Variants in KCNIP4 observed in about 807,000 individuals in gnomAD.
KCNIP4 encodes Kv channel-interacting protein 4.
KCNIP4 carries 12 observed loss-of-function variants against 34.0 expected under a neutral mutation model. That is an observed-to-expected ratio of 0.35 (90% CI 0.23 to 0.57). The LOEUF (loss-of-function observed/expected upper bound fraction) is 0.57, where lower values mean the gene tolerates loss of function less well. Among genes scored for constraint, KCNIP4 ranks in the 20% least tolerant of loss-of-function variants. The probability of loss-of-function intolerance (pLI) is 0.83; values close to 1 mark genes in which losing one functional copy is unlikely to be tolerated. For missense variants in KCNIP4, 238 were observed against 311.7 expected, an observed-to-expected ratio of 0.76 and a Z score of 1.78; for synonymous variants, 124 against 102.2, an observed-to-expected ratio of 1.21 and a Z score of -1.29.
Position 20,909,824 on chromosome 4 carries a change from G to T in KCNIP4, c.62-27115C>A, listed in dbSNP as rs73096002. 8.0e-4 allele frequency among the ~76,000 whole-genome samples: 122 copies of T among 152,204 alleles called. 1 individual carries two copies. The highest frequency in any genetic ancestry group is 2.2e-4 in the Non-Finnish European group (15 of 68,020). On this transcript the variant is annotated intron_variant, in intron 1 of 8. Transcript: ENST00000382152. ...GCTTTTGTGATGACAGTCATGACTA[G>T]TACATCCTTCTCTCTTACTTGTCTA...
At chr4:21,153,982 T>TAA (rs376910229) in intron 1 of KCNIP4, among the ~76,000 whole-genome samples, 32 of 146,730 alleles carry the variant, frequency 2.2e-4, no homozygotes, top group African/African-American at 7.5e-4. Context: ...AGTTAGTAGT[T>TAA]AAAAAAAAAA....
chr4:21,116,458 A>G (rs1195144971), intron 1 of KCNIP4, among the ~76,000 whole-genome samples: 1 of 152,104 alleles, frequency 6.6e-6, no homozygotes, highest in Non-Finnish European at 1.5e-5. Flanking sequence ...AGTGACTACA[A>G]CTTCCTGTCT....
At chr4:20,773,590 C>T (rs963056682) in intron 3 of KCNIP4, among the ~76,000 whole-genome samples, 1 of 152,144 alleles carries the variant, frequency 6.6e-6, no homozygotes, top group African/African-American at 2.4e-5. Context: ...CATAATGAGG[C>T]ACAAGGGGGC....
chr4:20,743,898 T>G (rs1578480157), intron 5 of KCNIP4, among the ~76,000 whole-genome samples: 1 of 150,640 alleles, frequency 6.6e-6, no homozygotes, highest in East Asian at 2.0e-4. Flanking sequence ...ATCCAGAATC[T>G]ACAAAGAAAT....
intron 1 of KCNIP4, among the ~76,000 whole-genome samples, chr4:21,826,437 C>G (rs559807065): frequency 6.6e-6 from 1 of 152,110 alleles, no homozygotes; most frequent in South Asian, 2.1e-4. Context: ...ATTTCCCACT[C>G]AGATATCTTG....
At chr4:21,609,545 C>T (rs970661042) in intron 1 of KCNIP4, among the ~76,000 whole-genome samples, 2 of 152,106 alleles carry the variant, frequency 1.3e-5, no homozygotes, top group African/African-American at 4.8e-5. Flanking sequence ...ATTCAGACAC[C>T]TCTGAAGATA....
intron 1 of KCNIP4, among the ~76,000 whole-genome samples, chr4:21,524,656 G>A (rs1264527188): frequency 1.3e-5 from 2 of 152,094 alleles, no homozygotes; most frequent in African/African-American, 4.8e-5. Flanking sequence ...TTCTAAGTCA[G>A]TCTCGTGTTA....
intron 1 of KCNIP4, among the ~76,000 whole-genome samples, chr4:21,432,892 C>T (rs1019780195): frequency 1.3e-5 from 2 of 151,980 alleles, no homozygotes; most frequent in African/African-American, 2.4e-5. Flanking sequence ...GTAGTGCCAT[C>T]GTCATTCTAT....
At chr4:21,437,065 AT>A (rs1433981450) in intron 1 of KCNIP4, among the ~76,000 whole-genome samples, 3 of 152,194 alleles carry the variant, frequency 2.0e-5, no homozygotes, top group Non-Finnish European at 2.9e-5. Flanking sequence ...GTGATAACTT[AT>A]TTATTTTGCC....
chr4:21,904,946 G>A (rs2108973171), intron 1 of KCNIP4, among the ~76,000 whole-genome samples: 1 of 152,120 alleles, frequency 6.6e-6, no homozygotes, highest in African/African-American at 2.4e-5. Flanking sequence ...ACTTAACATA[G>A]TACTTAGAAC....
chr4:20,877,998 C>T (rs938088431), intron 2 of KCNIP4, among the ~76,000 whole-genome samples: 8 of 149,796 alleles, frequency 5.3e-5, no homozygotes, highest in Non-Finnish European at 1.0e-4. Context: ...TAAAGATTTA[C>T]ATTAGGAAAA....
intron 1 of KCNIP4, among the ~76,000 whole-genome samples, chr4:21,720,779 T>G (rs1289840071): frequency 6.6e-6 from 1 of 151,698 alleles, no homozygotes; most frequent in Admixed American, 6.6e-5. Flanking sequence ...TTTGTTTTTT[T>G]GTCCTTGCGA....
chr4:20,864,361 ATATGTATG>A (rs1722643412), intron 2 of KCNIP4, among the ~76,000 whole-genome samples: 1 of 151,072 alleles, frequency 6.6e-6, no homozygotes, highest in East Asian at 2.0e-4. Flanking sequence ...TAACATGTAT[ATATGTATG>A]TTATACATTT....
intron 1 of KCNIP4, among the ~76,000 whole-genome samples, chr4:21,203,382 G>GAATCA (rs1195978588): frequency 6.7e-6 from 1 of 149,072 alleles, no homozygotes; most frequent in Non-Finnish European, 1.5e-5. Flanking sequence ...ATCATTACAG[G>GAATCA]AATCAAAGAG....
chr4:20,909,003 C>G (rs1196973779), intron 1 of KCNIP4, among the ~76,000 whole-genome samples: 1 of 152,184 alleles, frequency 6.6e-6, no homozygotes, highest in Non-Finnish European at 1.5e-5. Context: ...ACCTCATGTC[C>G]TCCAATAGGG....
At chr4:20,952,750 C>A (rs1387766205) in intron 1 of KCNIP4, among the ~76,000 whole-genome samples, 1 of 151,516 alleles carries the variant, frequency 6.6e-6, no homozygotes, top group East Asian at 1.9e-4. Flanking sequence ...AATTGTCTAA[C>A]TTATTGTCTT....
chr4:20,881,570 T>C (rs1204587019), intron 2 of KCNIP4, among the ~76,000 whole-genome samples: 2 of 152,218 alleles, frequency 1.3e-5, no homozygotes, highest in Non-Finnish European at 2.9e-5. Flanking sequence ...TCAATGTATA[T>C]TCTAAGTTAT....
intron 1 of KCNIP4, among the ~76,000 whole-genome samples, chr4:21,135,729 A>C (rs1292502091): frequency 6.6e-6 from 1 of 152,216 alleles, no homozygotes; most frequent in African/African-American, 2.4e-5. Flanking sequence ...CATGAGCAGC[A>C]CAAAGGGGCA....
chr4:20,943,674 G>A (rs893012569), intron 1 of KCNIP4, among the ~76,000 whole-genome samples: 1 of 152,110 alleles, frequency 6.6e-6, no homozygotes, highest in Admixed American at 6.6e-5. Flanking sequence ...TGCCAAGCTG[G>A]TTTTGAACCC....
Sources: gnomAD v4.1 joint callset for allele counts (sites outside exome capture counted in the v4.1 genomes callset) on GRCh38, gnomAD v4.1.1 for gene constraint, MANE v1.5 for transcripts, NCBI Gene and HGNC (gene_info 2026-07-23, HGNC 2026-07-21) for gene names.